The following ARHGAP39 variants were observed in gnomAD, a reference collection of about 807,000 sequenced individuals.
The protein encoded by ARHGAP39 is rho GTPase-activating protein 39.
ARHGAP39 carries 44 observed loss-of-function variants against 106.9 expected under a neutral mutation model. That is an observed-to-expected ratio of 0.41 (90% CI 0.32 to 0.53). The LOEUF is 0.53. ARHGAP39 is among the 20% of genes least tolerant of loss of function. The pLI, the probability that ARHGAP39 is intolerant of heterozygous loss-of-function variation, is 0.21. For synonymous variants in ARHGAP39, 768 were observed against 693.2 expected (o/e 1.11, Z -1.69); for missense variants, 1,496 against 1,577.3 (o/e 0.95, Z 0.87).
chr8:144,548,488 T>G lies in ARHGAP39; in HGVS notation c.598A>C (p.Thr200Pro). The change falls in exon 5 of 12, where the codon ACC (threonine) becomes CCC (proline). Residue 200 changes from threonine to proline, a missense_variant and splice_region_variant. Thr to Pro is a conservative substitution (Grantham distance 38). Coordinates refer to ENST00000377307, the MANE Select transcript of ARHGAP39 (RefSeq NM_025251.3). This position sits in a 1 kb window ranked among gnomAD's most constrained non-coding sequence, Gnocchi z 7.4. The part of the protein sequence containing the change: ...SADGQLLHYR[T>P]SSLRWNSGAK... ...CCCGAGTTCCACCGCAGCGAGGAGG[T>G]CCTGCGTGGGGGGTGGACGGGCACA... 1 of 1,608,078 alleles carries G rather than the reference T, an allele frequency of 6.2e-7. No individual in the cohort carries two copies. Among genetic ancestry groups the G allele is most frequent in the South Asian group, 1.1e-5 (1 of 90,826 alleles).
Position 144,550,573 on chromosome 8 carries a change from C to T in ARHGAP39, c.597-2084G>A, listed in dbSNP as rs1817654633. On this transcript the variant is annotated intron_variant, in intron 4 of 11. Transcript: ENST00000377307. ...GGTTGGTGAGGCAAGGCCAGGAAGA[C>T]ATGGCACCCCCTGACCAGGGACAAC... 2.6e-5 allele frequency among the ~76,000 whole-genome samples: 4 copies of T among 152,278 alleles called. No individual in the cohort carries two copies. The South Asian group carries it at 8.3e-4, about 31-fold the overall frequency.
chr8:144,680,818 C>T (rs1314263309), intron 1 of ARHGAP39, among the ~76,000 whole-genome samples: 1 of 152,136 alleles, frequency 6.6e-6, no homozygotes. Flanking sequence ...AATACACGAA[C>T]TATGTCAAAG....
chr8:144,532,410 G>A lies in ARHGAP39; in HGVS notation c.2889-14C>T, dbSNP rs201288884. 9.4e-5 allele frequency: 151 copies of A among 1,609,260 alleles called. No individual in the cohort carries two copies. Among genetic ancestry groups the A allele is most frequent in the Non-Finnish European group, 1.3e-4 (148 of 1,177,700 alleles). On this transcript the variant is annotated splice_polypyrimidine_tract_variant and intron_variant, in intron 9 of 11. Coordinates refer to ENST00000377307, the MANE Select transcript of ARHGAP39 (RefSeq NM_025251.3). The stretch of plus-strand genomic sequence containing the variant: ...TCCCCAGGGACCCTGCAGGGCACAG[G>A]GCAGGTCTCAGGCAACAGGAGCCTG...
chr8:144,541,170 T>C (rs1817176517), intron 6 of ARHGAP39, among the ~76,000 whole-genome samples: 2 of 152,180 alleles, frequency 1.3e-5, no homozygotes, highest in Non-Finnish European at 1.5e-5. Context: ...TCTTAAGCAG[T>C]TTTAACCAAT....
chr8:144,623,678 A>G (rs1288878338), intron 1 of ARHGAP39, among the ~76,000 whole-genome samples: 3 of 152,218 alleles, frequency 2.0e-5, no homozygotes, highest in Non-Finnish European at 4.4e-5. Flanking sequence ...CAGAACGCCG[A>G]CCCAAGAAAC....
chr8:144,530,603 G>A lies in ARHGAP39; in HGVS notation c.3164C>T (p.Pro1055Leu). 6.2e-7 allele frequency: 1 copy of A among 1,608,526 alleles called. No individual in the cohort carries two copies. Among genetic ancestry groups the A allele is most frequent in the Non-Finnish European group, 8.5e-7 (1 of 1,177,822 alleles). ...CATCTTGGTGACCGCGACGTTGGCC[G>A]GCTGCACGAAGACCTGGTGGAGGAG... ...LIRFLQVFVQ[P>L]ANVAVTKMDV... The change falls in exon 12 of 12, where the codon CCG (proline) becomes CTG (leucine). Residue 1055 changes from proline (P) to leucine (L), a missense_variant. Physicochemically the swap from Pro to Leu is moderately conservative, Grantham distance 98. Transcript: ENST00000377307.
At chr8:144,664,503 T>C (rs889837084) in intron 1 of ARHGAP39, among the ~76,000 whole-genome samples, 2 of 152,200 alleles carry the variant, frequency 1.3e-5, no homozygotes, top group Admixed American at 1.3e-4. Context: ...TGTGTGGTAA[T>C]GGGAGATGGA....
intron 2 of ARHGAP39, among the ~76,000 whole-genome samples, chr8:144,583,210 C>T (rs1047116093): frequency 6.6e-6 from 1 of 152,224 alleles, no homozygotes; most frequent in East Asian, 1.9e-4. Flanking sequence ...CTAGGCAGCA[C>T]CTTTCAGTCC....
In ARHGAP39 at chr8:144,545,529, G is replaced by A; in HGVS notation, c.2241C>T (p.Phe747=). Residue 747 remains phenylalanine (F), a synonymous_variant, in exon 6 of 12, where the codon TTC becomes TTT. Coordinates refer to ENST00000377307, the MANE Select transcript of ARHGAP39 (RefSeq NM_025251.3). ...CACCCATGTACATCTGGATCAGCTT[G>A]AAGAGCTCGCAGGCCTCCTTCTTCA... ...RHVKKEACEL[F]KLIQMYMGDR... is the part of the protein sequence containing the mutation. The A allele has an allele frequency of 1.2e-6, 2 of 1,613,586 alleles. No homozygotes were observed. The highest frequency in any genetic ancestry group is 1.1e-5 in the South Asian group (1 of 91,084).
At chr8:144,537,612 C>G in intron 7 of ARHGAP39, 109 bp downstream of exon 7, 9 of 904,494 alleles carry the variant, frequency 1.0e-5, no homozygotes, top group Middle Eastern at 3.3e-4. Flanking sequence ...GGTTAGTGGC[C>G]CCATCCCCCC....
rs151133154 is a variant in ARHGAP39 at position 144,610,041 on chromosome 8, G to A, written c.-81-4346C>T. 3.0e-3 allele frequency among the ~76,000 whole-genome samples: 460 copies of A among 152,260 alleles called. 2 individuals carry two copies. Among genetic ancestry groups the A allele is most frequent in the African/African-American group, 5.2e-3 (215 of 41,558 alleles). On this transcript the variant is annotated intron_variant, in intron 1 of 11. Coordinates refer to ENST00000377307, the MANE Select transcript of ARHGAP39 (RefSeq NM_025251.3). ...GCAGGCTCTAAAAATTTCTTCTTAC[G>A]TGAGTATGAATGGTTTGTCTTTCAA...
At chr8:144,698,002 G>A in the ARHGAP39 span, among the ~76,000 whole-genome samples, 5 of 152,064 alleles carry the variant, frequency 3.3e-5, no homozygotes, top group African/African-American at 1.2e-4. Flanking sequence ...TCATTTTGGC[G>A]TGTTAAGCTT....
intron 1 of ARHGAP39, among the ~76,000 whole-genome samples, chr8:144,666,540 C>T (rs1821966738): frequency 6.6e-6 from 1 of 152,112 alleles, no homozygotes; most frequent in Admixed American, 6.6e-5. Flanking sequence ...TCTGGTCTTT[C>T]CTGTGCTATT....
At chr8:144,696,102 C>T in the ARHGAP39 span, among the ~76,000 whole-genome samples, 2 of 152,200 alleles carry the variant, frequency 1.3e-5, no homozygotes, top group Non-Finnish European at 2.9e-5. Flanking sequence ...ACGCTGCCTC[C>T]ACTTTGCTCT....
At position 144,632,330 on chromosome 8, in the gene ARHGAP39, A is replaced by G. The variant is rs112872266; in HGVS notation, c.-81-26635T>C. On this transcript the variant is annotated intron_variant, in intron 1 of 11. Transcript: ENST00000377307. ...CACCGTCATCCTCCAGGAGAGCTGC[A>G]GAGCCCACCTCCCGTCACTTGTCCA... 2.5e-3 allele frequency among the ~76,000 whole-genome samples: 385 copies of G among 152,174 alleles called. 2 individuals are homozygous for G. The highest frequency in any genetic ancestry group is 8.9e-3 in the African/African-American group (369 of 41,518).
In ARHGAP39 at chr8:144,580,856, C is replaced by T. The variant is rs1371233402; in HGVS notation, c.502G>A (p.Asp168Asn). 4 of 1,562,208 alleles carry T rather than the reference C, an allele frequency of 2.6e-6. No homozygotes were observed. The highest frequency in any genetic ancestry group is 1.4e-5 in the African/African-American group (1 of 73,710). The change falls in exon 3 of 12, where the codon GAC (aspartate) becomes AAC (asparagine). Residue 168 changes from aspartate (D) to asparagine (N), a missense_variant. Asp to Asn is a conservative substitution (Grantham distance 23, BLOSUM62 1). Coordinates refer to ENST00000377307, the MANE Select transcript of ARHGAP39 (RefSeq NM_025251.3). Reference protein sequence around the residue: ...RPAAFGTVKEDSGSSSPPGVF... With the variant: ...RPAAFGTVKENSGSSSPPGVF... Reference sequence around the variant, plus strand: ...TGCCCCCGCCCTCACCTGCCGCTGTCCTCCTTCACTGTCCCAAACGCCGCG... The same window carrying T: ...TGCCCCCGCCCTCACCTGCCGCTGTTCTCCTTCACTGTCCCAAACGCCGCG...
intron 2 of ARHGAP39, among the ~76,000 whole-genome samples, chr8:144,605,296 A>C (rs1283869077): frequency 6.6e-6 from 1 of 152,190 alleles, no homozygotes; most frequent in African/African-American, 2.4e-5. Flanking sequence ...TTAGAAAATC[A>C]AAAATTAGAA....
chr8:144,614,443 C>T (rs1820581631), intron 1 of ARHGAP39, among the ~76,000 whole-genome samples: 1 of 152,074 alleles, frequency 6.6e-6, no homozygotes, highest in South Asian at 2.1e-4. Context: ...ACCTCCGCCT[C>T]CCGGGTTCAA....
At chr8:144,616,157 T>G (rs527505430) in intron 1 of ARHGAP39, among the ~76,000 whole-genome samples, 51 of 152,364 alleles carry the variant, frequency 3.3e-4, no homozygotes, top group Non-Finnish European at 5.4e-4. Flanking sequence ...GGGCTGGCAT[T>G]ACACCTGGCT....
Sources: allele counts gnomAD v4.1 joint callset (sites outside exome capture counted in the v4.1 genomes callset), GRCh38; gene constraint gnomAD v4.1.1; non-coding constraint Gnocchi (gnomAD v3.1); transcripts MANE v1.5; gene names NCBI Gene and HGNC (gene_info 2026-07-23, HGNC 2026-07-21).